The following PVR variants were observed in gnomAD, a reference collection of about 807,000 sequenced individuals.
The protein encoded by PVR is PVR cell adhesion molecule.
In PVR, 39 loss-of-function variants were observed where a neutral mutation model predicts 43.3. The observed-to-expected ratio is 0.90, with a 90% CI of 0.70 to 1.18. The LOEUF is 1.18. PVR is among the 50% of genes most tolerant of loss of function. The pLI, the probability that PVR is intolerant of heterozygous loss-of-function variation, is 0.00. For missense variants in PVR, 480 were observed against 549.7 expected, an observed-to-expected ratio of 0.87 and a Z score of 1.27; for synonymous variants, 224 against 233.2, an observed-to-expected ratio of 0.96 and a Z score of 0.36.
intron 2 of PVR, among the ~76,000 whole-genome samples, chr19:44,647,942 G>A (rs893004587): frequency 1.3e-5 from 2 of 152,068 alleles, no homozygotes; most frequent in African/African-American, 2.4e-5. Context: ...AAGGGTTGGT[G>A]ACAACAGCAT....
At chr19:44,652,584 A>G (rs368242782) in intron 3 of PVR, among the ~76,000 whole-genome samples, 1 of 152,112 alleles carries the variant, frequency 6.6e-6, no homozygotes, top group Non-Finnish European at 1.5e-5. Context: ...GGATTTCACC[A>G]TGTTGGCCAG....
At chr19:44,657,010 T>C (rs1490632650) in intron 4 of PVR, among the ~76,000 whole-genome samples, 1 of 151,284 alleles carries the variant, frequency 6.6e-6, no homozygotes, top group Non-Finnish European at 1.5e-5. Flanking sequence ...GAGAAGGGGA[T>C]GGGAAGGGTG....
chr19:44,653,536 C>G (rs1973340738), intron 3 of PVR: 1 of 175,694 alleles, frequency 5.7e-6, no homozygotes, highest in Admixed American at 5.7e-5. Flanking sequence ...GGGACTCTTT[C>G]CTGCAGGACT....
chr19:44,645,753 G>A (rs941958568), intron 1 of PVR, among the ~76,000 whole-genome samples: 1 of 151,544 alleles, frequency 6.6e-6, no homozygotes, highest in Admixed American at 6.6e-5. Context: ...TTGAGCTTAG[G>A]AATTCAAAAC....
At chr19:44,655,934 A>G (rs1161402683) in intron 4 of PVR, among the ~76,000 whole-genome samples, 1 of 147,756 alleles carries the variant, frequency 6.8e-6, no homozygotes, top group Non-Finnish European at 1.5e-5. Flanking sequence ...CCGTGGCACA[A>G]TCACAGCTCA....
In PVR at chr19:44,650,041, C is replaced by G; in HGVS notation, c.660C>G (p.Thr220=). Residue 220 remains threonine (T), a synonymous_variant, in exon 3 of 8, where the codon ACC becomes ACG. Transcript: ENST00000425690. ...GCCAGGTGGACGGCAAGAATGTGAC[C>G]TGCAAGGTGGAGCACGAGAGCTTTG... ...PSSQVDGKNV[T]CKVEHESFEK... 5.1e-6 allele frequency: 8 copies of G among 1,583,902 alleles called. No homozygotes were observed. The highest frequency in any genetic ancestry group is 6.9e-6 in the Non-Finnish European group (8 of 1,164,060).
rs551933452 is a variant in PVR at position 44,665,974 on chromosome 19, C to G, written c.*4163C>G. ...AATGGGACCGCCTGGAAGGCTGGAC[C>G]AAACAGGACCTGCCCTCTGGGGCTG... On this transcript the variant is annotated 3_prime_UTR_variant, in exon 8 of 8. Coordinates refer to ENST00000425690, the MANE Select transcript of PVR (RefSeq NM_006505.5). The G allele has an allele frequency of 6.6e-6, 1 of 152,308 alleles. No individual in the cohort carries two copies. The highest frequency in any genetic ancestry group is 1.5e-5 in the Non-Finnish European group (1 of 68,144). 9.4% of individuals were successfully genotyped at this position (152,308 alleles called of 1,614,324 possible).
chr19:44,657,986 T>A (rs759195328), intron 5 of PVR, 76 bp downstream of exon 5: 1 of 1,476,146 alleles, frequency 6.8e-7, no homozygotes, highest in Non-Finnish European at 9.2e-7. Flanking sequence ...TAATGCTCTC[T>A]GGCTCCCATC....
At chr19:44,652,693 T>C (rs1973316281) in intron 3 of PVR, among the ~76,000 whole-genome samples, 1 of 151,864 alleles carries the variant, frequency 6.6e-6, no homozygotes, top group African/African-American at 2.4e-5. Context: ...ATTTTTATTT[T>C]TTCTGGAGAC....
chr19:44,656,085 A>C (rs868070569), intron 4 of PVR, among the ~76,000 whole-genome samples: 1 of 151,888 alleles, frequency 6.6e-6, no homozygotes, highest in Middle Eastern at 3.2e-3. Flanking sequence ...TTAAAAAAAA[A>C]ATTCAAAGAA....
In PVR at chr19:44,654,522, C is replaced by T. The variant is rs997882766; in HGVS notation, c.842+505C>T. ...GCACCTGCTTTTTGGGGTGTGCCTG[C>T]TCTGTGCCCGGTACTTCCCCCGAAT... On this transcript the variant is annotated intron_variant, in intron 4 of 7. Transcript: ENST00000425690. 2.6e-5 allele frequency among the ~76,000 whole-genome samples: 4 copies of T among 152,322 alleles called. No homozygotes were observed. The South Asian group carries it at 8.3e-4, about 32-fold the overall frequency.
chr19:44,661,621 G>A, intron 7 of PVR, 119 bp from the exon 8 acceptor site: 1 of 915,246 alleles, frequency 1.1e-6, no homozygotes, highest in Admixed American at 2.1e-5. Context: ...CACTGCCCTG[G>A]CTTCCAGGGA....
chr19:44,649,752 C>A (rs1384060740), intron 2 of PVR, 57 bp from the exon 3 acceptor site: 1 of 1,568,318 alleles, frequency 6.4e-7, no homozygotes, highest in Non-Finnish European at 8.7e-7. Context: ...AATGAATGCC[C>A]CCTTCTGCCA....
At chr19:44,660,307 G>A (rs1185838926) in intron 6 of PVR, among the ~76,000 whole-genome samples, 1 of 152,112 alleles carries the variant, frequency 6.6e-6, no homozygotes, top group East Asian at 1.9e-4. Flanking sequence ...GATTAGTGAT[G>A]TCACCATAGG....
chr19:44,647,362 C>A lies in PVR; in HGVS notation c.219C>A (p.Gly73=). ...QLTWARHGES[G]SMAVFHQTQG... Reference sequence around the variant, plus strand: ...CTTGGGCGCGGCATGGTGAATCTGGCAGCATGGCCGTCTTCCACCAAACGC... The same window carrying A: ...CTTGGGCGCGGCATGGTGAATCTGGAAGCATGGCCGTCTTCCACCAAACGC... Residue 73 remains glycine, a synonymous_variant, in exon 2 of 8, where the codon GGC becomes GGA. Transcript: ENST00000425690. The A allele has an allele frequency of 6.2e-7, 1 of 1,613,870 alleles. No homozygotes were observed. Among genetic ancestry groups the A allele is most frequent in the Non-Finnish European group, 8.5e-7 (1 of 1,179,912 alleles).
In PVR at chr19:44,657,847, T is replaced by C; in HGVS notation, c.928T>C (p.Leu310=). The change falls in exon 5 of 8, where the codon TTA becomes CTA. Residue 310 remains leucine (L), a synonymous_variant. Coordinates refer to ENST00000425690, the MANE Select transcript of PVR (RefSeq NM_006505.5). The stretch of plus-strand genomic sequence containing the variant: ...TGTGGACAAACCAATCAACACAACT[T>C]TAATCTGCAACGTCACCAATGCCCT... ...RPVDKPINTT[L]ICNVTNALGA... The C allele has an allele frequency of 1.2e-6, 2 of 1,613,876 alleles. No individual in the cohort carries two copies. The highest frequency in any genetic ancestry group is 8.5e-7 in the Non-Finnish European group (1 of 1,179,912).
In PVR at chr19:44,647,343, CGCG is replaced by C. The variant is rs1568498328; in HGVS notation, c.203_205del (p.Arg68del). On this transcript the variant is annotated inframe_deletion, in exon 2 of 8. Transcript: ENST00000425690. Reference sequence around the variant, plus strand: ...ACGCATGTGTCACAGCTGACTTGGGCGCGGCATGGTGAATCTGGCAGCATGGCC... The same window carrying C: ...ACGCATGTGTCACAGCTGACTTGGGCGCATGGTGAATCTGGCAGCATGGCC... 6.2e-7 allele frequency: 1 copy of C among 1,613,324 alleles called. No individual in the cohort carries two copies. Among genetic ancestry groups the C allele is most frequent in the Non-Finnish European group, 8.5e-7 (1 of 1,179,678 alleles).
chr19:44,647,082 C>CA, intron 1 of PVR, 141 bp from the exon 2 acceptor site: 1 of 387,312 alleles, frequency 2.6e-6, no homozygotes, highest in Non-Finnish European at 4.6e-6. Context: ...CCAGTTCCCC[C>CA]TCCCCCCACA....
chr19:44,648,868 G>A (rs985265922), intron 2 of PVR, among the ~76,000 whole-genome samples: 1 of 152,180 alleles, frequency 6.6e-6, no homozygotes, highest in Non-Finnish European at 1.5e-5. Context: ...AGTGAGTCAA[G>A]TTAAGGAGAA....
Sources: allele counts gnomAD v4.1 joint callset (sites outside exome capture counted in the v4.1 genomes callset), GRCh38; gene constraint gnomAD v4.1.1; transcripts MANE v1.5; gene names NCBI Gene and HGNC (gene_info 2026-07-23, HGNC 2026-07-21).